TBX1: variants seen among roughly 807,000 people sequenced by gnomAD.
TBX1 encodes T-box transcription factor TBX1.
A neutral mutation model predicts 40.8 loss-of-function variants in TBX1; 16 were observed. The observed-to-expected ratio is 0.39, with a 90% CI of 0.27 to 0.60. The LOEUF is 0.60. Among genes scored for constraint, TBX1 ranks in the 20% least tolerant of loss-of-function variants. The probability of loss-of-function intolerance (pLI) is 0.51; values close to 1 mark genes in which losing one functional copy is unlikely to be tolerated. For missense variants in TBX1, 755 were observed against 728.5 expected, an observed-to-expected ratio of 1.04 and a Z score of -0.42; for synonymous variants, 403 against 336.8, an observed-to-expected ratio of 1.20 and a Z score of -2.15.
downstream of TBX1, chr22:19,779,642 C>T (rs187844294): frequency 2.9e-6 from 3 of 1,017,858 alleles, no homozygotes; most frequent in African/African-American, 4.9e-5. Context: ...TGACTGTAAA[C>T]TCATTATAAA....
chr22:19,768,953 CTTT>C (rs36085623), downstream of TBX1, among the ~76,000 whole-genome samples: 1,355 of 66,032 alleles, frequency 0.021, 18 homozygotes, highest in African/African-American at 0.055. Flanking sequence ...TGTTCGCATT[CTTT>C]TTTTTTTTTT....
Position 19,766,821 on chromosome 22 carries a change from C to G in TBX1, c.1469C>G (p.Ser490Trp). ...GCCGCGGCCGCCAACATGTACTCGTCGGCCGGAGCCGCGCCGCCCGGCTCC... is the reference window on the plus strand; with the variant it reads ...GCCGCGGCCGCCAACATGTACTCGTGGGCCGGAGCCGCGCCGCCCGGCTCC... ...AAAAAANMYS[S>W]AGAAPPGSYD... Residue 490 changes from serine to tryptophan, a missense_variant, in exon 7 of 7, where the codon TCG becomes TGG. Ser to Trp is a radical substitution (Grantham distance 177). This residue lies in a region of TBX1 where 412 missense variants were observed against 317.6 expected (regional missense o/e 1.30). Coordinates refer to ENST00000649276, the MANE Select transcript of TBX1 (RefSeq NM_001379200.1). The G allele has an allele frequency of 6.4e-7, 1 of 1,561,258 alleles. No homozygotes were observed. Among genetic ancestry groups the G allele is most frequent in the Middle Eastern group, 1.9e-4 (1 of 5,224 alleles).
Position 19,764,342 on chromosome 22 carries a change from C to T in TBX1, c.711+16C>T, listed in dbSNP as rs779942025. 3.0e-5 allele frequency: 48 copies of T among 1,607,614 alleles called. No homozygotes were observed. The highest frequency in any genetic ancestry group is 3.8e-5 in the Non-Finnish European group (45 of 1,179,746). ...CAACGGCCACGTGAGCGACTGCCTC[C>T]CCAGGCTCCGGTGTCCCCCAAGGCC... On this transcript the variant is annotated intron_variant, in intron 3 of 6. Coordinates refer to ENST00000649276, the MANE Select transcript of TBX1 (RefSeq NM_001379200.1).
At chr22:19,779,312 T>C (rs779223677) in exon 9 of TBX1, 8 of 1,614,234 alleles carry the variant, frequency 5.0e-6, no homozygotes, top group Non-Finnish European at 5.1e-6. Context: ...TGCAGGTGGC[T>C]GTGTGAACCT....
At chr22:19,776,703 A>G (rs1357836447) in intron 8 of TBX1, among the ~76,000 whole-genome samples, 1 of 152,252 alleles carries the variant, frequency 6.6e-6, no homozygotes, top group Admixed American at 6.5e-5. Flanking sequence ...GGATGGAAGC[A>G]GAGGCTGGTA....
chr22:19,766,695 C>G lies in TBX1; in HGVS notation c.1343C>G (p.Pro448Arg), dbSNP rs760098496. 6.5e-7 allele frequency: 1 copy of G among 1,547,986 alleles called. No homozygotes were observed. Among genetic ancestry groups the G allele is most frequent in the Admixed American group, 1.8e-5 (1 of 55,060 alleles). ...AKSRPAPYPL[P>R]GLRGHGYHPH... ...AGCCGGCCGGCGCCCTACCCGCTGC[C>G]CGGCCTGCGTGGCCACGGCTACCAC... The change falls in exon 7 of 7, where the codon CCC becomes CGC. Residue 448 changes from proline to arginine, a missense_variant. Pro to Arg is a moderately radical substitution (Grantham distance 103). This residue lies in a region of TBX1 where 412 missense variants were observed against 317.6 expected (regional missense o/e 1.30). Coordinates refer to ENST00000649276, the MANE Select transcript of TBX1 (RefSeq NM_001379200.1).
chr22:19,774,389 A>G (rs13054502), intron 8 of TBX1, among the ~76,000 whole-genome samples: 23,659 of 152,218 alleles, frequency 0.16, 3,739 homozygotes, highest in African/African-American at 0.4. Flanking sequence ...CGCCAGCCTG[A>G]GTGACAGAGC....
chr22:19,766,140 CA>C, intron 6 of TBX1, 138 bp downstream of exon 6: 1 of 817,132 alleles, frequency 1.2e-6, no homozygotes, highest in Non-Finnish European at 1.5e-6. Flanking sequence ...CGGCGGCGGG[CA>C]AGCGCGCACT....
At chr22:19,763,191 G>T (rs369754190) in intron 1 of TBX1, 50 bp from the exon 2 acceptor site, 90 of 1,523,826 alleles carry the variant, frequency 5.9e-5, no homozygotes, top group South Asian at 1.1e-5. Context: ...GCAGGTCAAG[G>T]GGGGCTGCCT....
At chr22:19,772,783 T>C (rs41300472) in intron 8 of TBX1, among the ~76,000 whole-genome samples, 1,811 of 152,342 alleles carry the variant, frequency 0.012, 26 homozygotes, top group South Asian at 0.043. Flanking sequence ...GTCTACCCAG[T>C]TGCTCATGGC....
intron 8 of TBX1, among the ~76,000 whole-genome samples, chr22:19,775,422 A>T (rs1937050004): frequency 1.3e-5 from 2 of 152,218 alleles, no homozygotes; most frequent in African/African-American, 2.4e-5. Flanking sequence ...ATGTATGTTT[A>T]ACAATTTAAA....
chr22:19,763,163 A>G, intron 1 of TBX1, 78 bp from the exon 2 acceptor site: 1 of 1,181,542 alleles, frequency 8.5e-7, no homozygotes. Flanking sequence ...GGCCGAGCAG[A>G]GGGGCCGCCA....
At chr22:19,782,604 G>A (rs1437582760), downstream of TBX1, among the ~76,000 whole-genome samples, 1 of 152,138 alleles carries the variant, frequency 6.6e-6, no homozygotes, top group Non-Finnish European at 1.5e-5. Context: ...GACAAGGAAG[G>A]ACTAACCTTC....
chr22:19,774,193 G>A (rs977508790), intron 8 of TBX1, among the ~76,000 whole-genome samples: 1 of 152,228 alleles, frequency 6.6e-6, no homozygotes, highest in Non-Finnish European at 1.5e-5. Context: ...ACAGTGTCAT[G>A]GGTCCTTGAA....
chr22:19,758,790 C>T (rs1016119646), upstream of TBX1, among the ~76,000 whole-genome samples: 5 of 152,182 alleles, frequency 3.3e-5, no homozygotes, highest in African/African-American at 9.7e-5. Context: ...GCGTGACGCT[C>T]GGGCTCGCGG....
Position 19,766,468 on chromosome 22 carries a change from G to A in TBX1, c.1116G>A (p.Gln372=). 1 of 1,330,216 alleles carries A rather than the reference G, an allele frequency of 7.5e-7. No homozygotes were observed. The highest frequency in any genetic ancestry group is 9.7e-7 in the Non-Finnish European group (1 of 1,034,240). The allele number at this position is 1,330,216 out of a possible 1,614,324, so 82.4% of individuals were successfully genotyped here. The change falls in exon 7 of 7, where the codon CAG becomes CAA. Residue 372 remains glutamine (Q), a synonymous_variant. Coordinates refer to ENST00000649276, the MANE Select transcript of TBX1 (RefSeq NM_001379200.1). The part of the protein sequence containing the change: ...AVLGDPAHPP[Q]LLARVLSPSL... ...TCGGGGACCCGGCGCATCCTCCGCA[G>A]CTGCTGGCCCGGGTGCTAAGCCCCT...
At chr22:19,759,747 G>A, upstream of TBX1, 3 of 1,568,054 alleles carry the variant, frequency 1.9e-6, no homozygotes, top group Non-Finnish European at 2.6e-6. Flanking sequence ...GTGGGGCCCG[G>A]GTGCAAAGTA....
At chr22:19,759,713 G>T (rs758191301), upstream of TBX1, 30 of 1,609,450 alleles carry the variant, frequency 1.9e-5, no homozygotes, top group South Asian at 2.5e-4. Flanking sequence ...TGGCCCGCCC[G>T]CCAGACCCCC....
At chr22:19,773,499 C>T (rs998812068) in intron 8 of TBX1, among the ~76,000 whole-genome samples, 11 of 152,314 alleles carry the variant, frequency 7.2e-5, no homozygotes, top group Admixed American at 4.6e-4. Flanking sequence ...TCCAGCTTGG[C>T]TGTGTGGGCT....
Sources: allele counts gnomAD v4.1 joint callset (sites outside exome capture counted in the v4.1 genomes callset), GRCh38; gene constraint gnomAD v4.1.1; regional missense constraint gnomAD v4.1.1; transcripts MANE v1.5; gene names NCBI Gene and HGNC (gene_info 2026-07-23, HGNC 2026-07-21).